The following SPSB4 variants were observed in gnomAD, a reference collection of about 807,000 sequenced individuals.
SPSB4 encodes splA/ryanodine receptor domain and SOCS box containing 4.
Under a neutral mutation model 20.9 loss-of-function variants are expected in SPSB4, and 21 were observed. The ratio of observed to expected loss-of-function variants is 1.01; its 90% CI spans 0.71 to 1.45. SPSB4 has a LOEUF of 1.45. SPSB4 is among the 40% of genes most tolerant of loss of function. SPSB4 has a pLI of 0.00. For synonymous variants in SPSB4, 207 were observed against 183.8 expected (o/e 1.13, Z -1.02); for missense variants, 399 against 399.2 (o/e 1.00, Z 0.00).
chr3:141,140,334 C>T (rs551021678), intron 2 of SPSB4, among the ~76,000 whole-genome samples: 16 of 152,326 alleles, frequency 1.1e-4, no homozygotes, highest in Non-Finnish European at 1.6e-4. Flanking sequence ...TCTCTCAACT[C>T]GTCAAAGTCA....
intron 2 of SPSB4, among the ~76,000 whole-genome samples, chr3:141,084,449 G>A (rs1938305078): frequency 1.3e-5 from 2 of 152,216 alleles, no homozygotes. Context: ...TGCCAGCACA[G>A]AGTAAGCTTA....
intron 2 of SPSB4, among the ~76,000 whole-genome samples, chr3:141,077,883 C>G (rs1030885287): frequency 1.3e-5 from 2 of 152,168 alleles, no homozygotes; most frequent in African/African-American, 4.8e-5. Flanking sequence ...TTGTGGGAGG[C>G]GGCAGGTGGT....
chr3:141,058,426 T>C (rs1937698885), intron 1 of SPSB4, among the ~76,000 whole-genome samples: 1 of 152,114 alleles, frequency 6.6e-6, no homozygotes, highest in South Asian at 2.1e-4. Context: ...AAGCATGACG[T>C]AGGAAATTAA....
At chr3:141,059,045 A>T (rs942209007) in intron 1 of SPSB4, among the ~76,000 whole-genome samples, 1 of 152,146 alleles carries the variant, frequency 6.6e-6, no homozygotes, top group African/African-American at 2.4e-5. Context: ...GGCTGGGGGC[A>T]CAGAAGTGCT....
chr3:141,088,771 T>G (rs1462526567), intron 2 of SPSB4, among the ~76,000 whole-genome samples: 1 of 152,080 alleles, frequency 6.6e-6, no homozygotes, highest in African/African-American at 2.4e-5. Context: ...ATTCACACAT[T>G]CTCTCTACTC....
intron 2 of SPSB4, among the ~76,000 whole-genome samples, chr3:141,098,797 TG>T (rs1938578975): frequency 6.6e-6 from 1 of 152,182 alleles, no homozygotes; most frequent in Non-Finnish European, 1.5e-5. Context: ...GTGGTGTTGG[TG>T]GGTGTCTTAG....
At chr3:141,071,270 G>A in intron 2 of SPSB4, among the ~76,000 whole-genome samples, 1 of 152,290 alleles carries the variant, frequency 6.6e-6, no homozygotes, top group African/African-American at 2.4e-5. Context: ...CTCTCCACAT[G>A]CAGGCGGCAG....
intron 1 of SPSB4, among the ~76,000 whole-genome samples, chr3:141,057,111 G>C (rs1277388108): frequency 6.6e-6 from 1 of 152,254 alleles, no homozygotes; most frequent in African/African-American, 2.4e-5. Context: ...GAACTGGACA[G>C]ATGGCTCTCT....
intron 2 of SPSB4, among the ~76,000 whole-genome samples, chr3:141,105,891 A>G (rs1158296806): frequency 3.3e-5 from 5 of 152,274 alleles, no homozygotes; most frequent in African/African-American, 1.2e-4. Context: ...GATGAAATAA[A>G]GATACACTTT....
chr3:141,108,286 A>G (rs1483514364), intron 2 of SPSB4, among the ~76,000 whole-genome samples: 2 of 152,138 alleles, frequency 1.3e-5, no homozygotes, highest in Non-Finnish European at 2.9e-5. Context: ...TGAATAACCC[A>G]CAAAATCAAT....
At chr3:141,112,116 T>C (rs1347091586) in intron 2 of SPSB4, among the ~76,000 whole-genome samples, 1 of 152,202 alleles carries the variant, frequency 6.6e-6, no homozygotes, top group Non-Finnish European at 1.5e-5. Context: ...TGTGGTGGGA[T>C]CCCCACTGAT....
chr3:141,084,058 G>A (rs974830240), intron 2 of SPSB4, among the ~76,000 whole-genome samples: 3 of 152,186 alleles, frequency 2.0e-5, no homozygotes, highest in Non-Finnish European at 4.4e-5. Context: ...GGCAGAGCGA[G>A]GTGGATGAGG....
intron 2 of SPSB4, among the ~76,000 whole-genome samples, chr3:141,067,736 G>GAGGGGCC (rs1937918695): frequency 6.6e-6 from 1 of 152,196 alleles, no homozygotes; most frequent in South Asian, 2.1e-4. Flanking sequence ...AATCCCAGCT[G>GAGGGGCC]AGGGGCCAGG....
intron 2 of SPSB4, 40 bp downstream of exon 2, chr3:141,066,838 TGC>T (rs1431961059): frequency 8.0e-6 from 12 of 1,491,440 alleles, no homozygotes; most frequent in Middle Eastern, 1.8e-4. Context: ...TTTCAGAGGC[TGC>T]CAGGCCCTAG....
intron 2 of SPSB4, chr3:141,132,345 T>A (rs1939148107): frequency 3.5e-6 from 1 of 283,096 alleles, no homozygotes; most frequent in Non-Finnish European, 6.9e-6. Flanking sequence ...TTTTTGTATT[T>A]TTAGTAGAGA....
chr3:141,112,743 C>T (rs1298145282), intron 2 of SPSB4, among the ~76,000 whole-genome samples: 1 of 151,678 alleles, frequency 6.6e-6, no homozygotes, highest in African/African-American at 2.4e-5. Flanking sequence ...CCATCATAAC[C>T]CTAGATGGGT....
At chr3:141,139,759 G>A (rs900776330) in intron 2 of SPSB4, among the ~76,000 whole-genome samples, 18 of 152,298 alleles carry the variant, frequency 1.2e-4, no homozygotes, top group Admixed American at 2.0e-4. Flanking sequence ...CACTCAGGCT[G>A]CCCTTAACAC....
intron 2 of SPSB4, among the ~76,000 whole-genome samples, chr3:141,126,943 C>G (rs1288486367): frequency 6.6e-6 from 1 of 152,246 alleles, no homozygotes; most frequent in African/African-American, 2.4e-5. Flanking sequence ...TGCCCCAGCC[C>G]GGGCTCTCAA....
intron 2 of SPSB4, among the ~76,000 whole-genome samples, chr3:141,087,937 G>A (rs1022928169): frequency 2.0e-5 from 3 of 152,190 alleles, no homozygotes; most frequent in Non-Finnish European, 4.4e-5. Flanking sequence ...GTTTGGTTGG[G>A]CTCAGTGAGC....
Sources: allele counts gnomAD v4.1 joint callset (sites outside exome capture counted in the v4.1 genomes callset), GRCh38; gene constraint gnomAD v4.1.1; transcripts MANE v1.5; gene names NCBI Gene and HGNC (gene_info 2026-07-23, HGNC 2026-07-21).